Variants in MAGOHB observed in about 807,000 individuals in gnomAD.
The protein encoded by MAGOHB is mago homolog B, exon junction complex subunit.
Under a neutral mutation model 20.9 loss-of-function variants are expected in MAGOHB, and 15 were observed. The ratio of observed to expected loss-of-function variants is 0.72; its 90% CI spans 0.48 to 1.11. The LOEUF (loss-of-function observed/expected upper bound fraction) is 1.11. MAGOHB is among the 50% of genes least tolerant of loss of function. MAGOHB has a pLI of 0.00. For missense variants in MAGOHB, 162 were observed against 177.6 expected (o/e 0.91, Z 0.50); for synonymous variants, 50 against 57.9 (o/e 0.86, Z 0.62).
Position 10,607,837 on chromosome 12 carries a change from T to C in MAGOHB, c.347+17A>G. 1.4e-6 allele frequency: 2 copies of C among 1,468,400 alleles called. No individual in the cohort carries two copies. Among genetic ancestry groups the C allele is most frequent in the Non-Finnish European group, 1.9e-6 (2 of 1,061,886 alleles). 91.0% of individuals were successfully genotyped at this position (1,468,400 alleles called of 1,614,324 possible). ...TGTAATAATGAAAACTTCGCCAAAA[T>C]GCTTTAACATACTTACTTTGACTGA... On this transcript the variant is annotated intron_variant, in intron 4 of 4. Transcript: ENST00000320756.
intron 3 of MAGOHB, chr12:10,608,512 A>C (rs1865668266): frequency 6.6e-6 from 1 of 151,852 alleles, no homozygotes; most frequent in African/African-American, 2.4e-5. Flanking sequence ...ATTTATAACC[A>C]CTAATAATGA....
intron 2 of MAGOHB, 110 bp from the exon 3 acceptor site, chr12:10,610,051 T>A (rs960755141): frequency 1.4e-5 from 8 of 586,066 alleles, no homozygotes; most frequent in Non-Finnish European, 2.3e-5. Context: ...TATAGAAAAA[T>A]TTAATTGATT....
At chr12:10,611,375 T>C (rs977770664) in intron 1 of MAGOHB, among the ~76,000 whole-genome samples, 5 of 152,096 alleles carry the variant, frequency 3.3e-5, no homozygotes, top group Non-Finnish European at 5.9e-5. Context: ...GATGTATGCT[T>C]CCCCTTATGG....
intron 1 of MAGOHB, among the ~76,000 whole-genome samples, chr12:10,611,793 C>T (rs1865747084): frequency 7.1e-6 from 1 of 140,496 alleles, no homozygotes; most frequent in Admixed American, 7.1e-5. Flanking sequence ...AACGCGTCTT[C>T]GGGAGGCTCA....
intron 2 of MAGOHB, 114 bp downstream of exon 2, chr12:10,610,508 T>G: frequency 8.1e-7 from 1 of 1,240,160 alleles, no homozygotes; most frequent in Non-Finnish European, 1.1e-6. Flanking sequence ...AATTGCCTTC[T>G]TCTTTACAAT....
At chr12:10,612,255 T>C (rs1865761159) in intron 1 of MAGOHB, among the ~76,000 whole-genome samples, 1 of 145,306 alleles carries the variant, frequency 6.9e-6, no homozygotes, top group Non-Finnish European at 1.5e-5. Context: ...CATAATTAGC[T>C]GGGTGAGGTG....
At chr12:10,602,230 C>G (rs1283404940), downstream of MAGOHB, among the ~76,000 whole-genome samples, 1 of 152,220 alleles carries the variant, frequency 6.6e-6, no homozygotes, top group East Asian at 1.9e-4. Context: ...CTGTCTTATT[C>G]ATTATTGAAA....
At chr12:10,602,235 T>C (rs1865560667), downstream of MAGOHB, among the ~76,000 whole-genome samples, 1 of 152,234 alleles carries the variant, frequency 6.6e-6, no homozygotes, top group African/African-American at 2.4e-5. Flanking sequence ...TTATTCATTA[T>C]TGAAACTGCA....
chr12:10,610,022 G>T, intron 2 of MAGOHB, 81 bp from the exon 3 acceptor site: 1 of 708,826 alleles, frequency 1.4e-6, no homozygotes, highest in Non-Finnish European at 2.3e-6. Flanking sequence ...TACAAACCCT[G>T]AATATCCAAA....
At chr12:10,608,657 G>C (rs973680411) in intron 3 of MAGOHB, 1 of 147,984 alleles carries the variant, frequency 6.8e-6, no homozygotes, top group Non-Finnish European at 1.5e-5. Context: ...TGTAATTACT[G>C]TATAGATTTT....
chr12:10,604,104 T>C (rs781045257), downstream of MAGOHB: 3 of 152,102 alleles, frequency 2.0e-5, no homozygotes, highest in African/African-American at 4.8e-5. Context: ...ACACCTACTA[T>C]ATGGAAAAGA....
Position 10,610,609 on chromosome 12 carries a change from A to G in MAGOHB, c.153+13T>C. 1 of 1,444,556 alleles carries G rather than the reference A, an allele frequency of 6.9e-7. No homozygotes were observed. Among genetic ancestry groups the G allele is most frequent in the Non-Finnish European group, 9.2e-7 (1 of 1,088,620 alleles). 89.5% of individuals were successfully genotyped at this position (1,444,556 alleles called of 1,614,324 possible). ...AAAAAAAAAAAAAAAAAAGACATTC[A>G]CATAGAACTTACCTCTTTTCTGATC... On this transcript the variant is annotated intron_variant, in intron 2 of 4. Transcript: ENST00000320756.
intron 2 of MAGOHB, 136 bp from the exon 3 acceptor site, chr12:10,610,077 A>G: frequency 1.8e-6 from 1 of 558,152 alleles, no homozygotes; most frequent in Non-Finnish European, 3.1e-6. Flanking sequence ...AGTAGAGGAG[A>G]CAGAATCACT....
chr12:10,613,180 G>A (rs2305853), intron 1 of MAGOHB, among the ~76,000 whole-genome samples: 76,147 of 152,024 alleles, frequency 0.5, 19,400 homozygotes, highest in Non-Finnish European at 0.54. Context: ...TCAGGGCGAC[G>A]ATCTAGAGTC....
Position 10,613,491 on chromosome 12 carries a change from C to A in MAGOHB, c.42G>T (p.Gly14=). The A allele has an allele frequency of 1.9e-6, 3 of 1,614,160 alleles. No individual in the cohort carries two copies. The highest frequency in any genetic ancestry group is 2.5e-6 in the Non-Finnish European group (3 of 1,180,020). Residue 14 remains glycine, a synonymous_variant, in exon 1 of 5, where the codon GGG becomes GGT. Coordinates refer to ENST00000320756, the MANE Select transcript of MAGOHB (RefSeq NM_018048.5). ...ACTCGTGCCCAAACTTGCCCTTGTGCCCTACGTAGTAGCGCAGGTAGAAAT... is the reference window on the plus strand; with the variant it reads ...ACTCGTGCCCAAACTTGCCCTTGTGACCTACGTAGTAGCGCAGGTAGAAAT... The part of the protein sequence containing the change: ...ASDFYLRYYV[G]HKGKFGHEFL...
chr12:10,606,238 CTTAA>C lies in MAGOHB; in HGVS notation c.*33_*36del, dbSNP rs1865627566. 8.7e-7 allele frequency: 1 copy of C among 1,151,106 alleles called. No individual in the cohort carries two copies. Among genetic ancestry groups the C allele is most frequent in the Admixed American group, 2.8e-5 (1 of 35,200 alleles). The allele number at this position is 1,151,106 out of a possible 1,614,324, so 71.3% of individuals were successfully genotyped here. A position where few individuals can be genotyped will look rare whatever the true frequency, so the allele number is the denominator to read the frequency against. On this transcript the variant is annotated 3_prime_UTR_variant, in exon 5 of 5. Coordinates refer to ENST00000320756, the MANE Select transcript of MAGOHB (RefSeq NM_018048.5). ...AAATGACAAATAACCCCTCCCATCC[CTTAA>C]TTAAATATACAAACAGCCTGAAAAC... is the stretch of plus-strand genomic sequence containing the variant.
intron 1 of MAGOHB, 124 bp from the exon 2 acceptor site, chr12:10,610,804 T>C: frequency 1.1e-6 from 1 of 904,260 alleles, no homozygotes; most frequent in Non-Finnish European, 1.6e-6. Context: ...TCCTCCCTCC[T>C]TGTGTAAGAT....
Position 10,613,507 on chromosome 12 carries a change from A to T in MAGOHB, c.26T>A (p.Leu9Gln), listed in dbSNP as rs148902056. 1 of 1,614,136 alleles carries T rather than the reference A, an allele frequency of 6.2e-7. No individual in the cohort carries two copies. Among genetic ancestry groups the T allele is most frequent in the Non-Finnish European group, 8.5e-7 (1 of 1,179,990 alleles). The change falls in exon 1 of 5, where the codon CTG becomes CAG. Residue 9 changes from leucine (L) to glutamine (Q), a missense_variant. By Grantham distance (113) the Leu-to-Gln change is moderately radical. Transcript: ENST00000320756. The stretch of plus-strand genomic sequence containing the variant: ...GCCCTTGTGCCCTACGTAGTAGCGC[A>T]GGTAGAAATCGCTAGCCACAGCCAT... MAVASDFY[L>Q]RYYVGHKGKF... is the part of the protein sequence containing the mutation.
At chr12:10,612,420 T>C (rs1328843620) in intron 1 of MAGOHB, among the ~76,000 whole-genome samples, 2 of 145,054 alleles carry the variant, frequency 1.4e-5, no homozygotes, top group Non-Finnish European at 3.1e-5. Context: ...ATAATAATAA[T>C]TGCAGGACTG....
Sources: gnomAD v4.1 joint callset for allele counts (sites outside exome capture counted in the v4.1 genomes callset) on GRCh38, gnomAD v4.1.1 for gene constraint, MANE v1.5 for transcripts, NCBI Gene and HGNC (gene_info 2026-07-23, HGNC 2026-07-21) for gene names.